ZFAND3: variants seen among roughly 807,000 people sequenced by gnomAD.
ZFAND3 encodes zinc finger AN1-type containing 3.
ZFAND3 carries 10 observed loss-of-function variants against 29.6 expected under a neutral mutation model. The ratio of observed to expected loss-of-function variants is 0.34; its 90% CI spans 0.21 to 0.57. The LOEUF (loss-of-function observed/expected upper bound fraction) is 0.57, where lower values mean the gene tolerates loss of function less well. Ranked by LOEUF, ZFAND3 falls within the 20% of genes least tolerant of loss-of-function variation. The pLI is 0.86. For synonymous variants in ZFAND3, 128 were observed against 112.6 expected (o/e 1.14, Z -0.87); for missense variants, 230 against 304.5 (o/e 0.76, Z 1.82).
intron 4 of ZFAND3, among the ~76,000 whole-genome samples, chr6:38,088,538 T>C (rs1038859164): frequency 2.6e-5 from 4 of 152,212 alleles, no homozygotes; most frequent in Non-Finnish European, 4.4e-5. Context: ...GTATTGCTTG[T>C]AACTCAAAGG....
intron 1 of ZFAND3, among the ~76,000 whole-genome samples, chr6:37,899,757 A>C (rs1299981281): frequency 6.6e-6 from 1 of 152,208 alleles, no homozygotes; most frequent in East Asian, 1.9e-4. Context: ...CACATGGTAA[A>C]AATTTAAACA....
intron 5 of ZFAND3, among the ~76,000 whole-genome samples, chr6:38,135,427 G>A (rs1765820145): frequency 6.6e-6 from 1 of 152,170 alleles, no homozygotes; most frequent in Admixed American, 6.5e-5. Flanking sequence ...CATAATTCAG[G>A]GTTAGACAGA....
At position 38,006,664 on chromosome 6, in the gene ZFAND3, T is replaced by G. The variant is rs896984235; in HGVS notation, c.113-54929T>G. On this transcript the variant is annotated intron_variant, in intron 2 of 5. Coordinates refer to ENST00000287218, the MANE Select transcript of ZFAND3 (RefSeq NM_021943.3). ...GGAGGTGAGGAAGAGGGTTTTTTTT[T>G]TTTTTTTTTTTTTAATTGATGGTTT... Among the ~76,000 whole-genome samples, 429 of 150,964 alleles carry G rather than the reference T, an allele frequency of 2.8e-3. 4 individuals carry two copies. The highest frequency in any genetic ancestry group is 9.8e-3 in the African/African-American group (406 of 41,252).
chr6:37,924,521 G>T (rs914189360), intron 1 of ZFAND3, among the ~76,000 whole-genome samples: 1 of 152,054 alleles, frequency 6.6e-6, no homozygotes, highest in East Asian at 1.9e-4. Context: ...AAGAAAACAG[G>T]AAGAGGAACT....
At chr6:38,063,341 C>G (rs1326469515) in intron 3 of ZFAND3, among the ~76,000 whole-genome samples, 1 of 152,026 alleles carries the variant, frequency 6.6e-6, no homozygotes, top group Non-Finnish European at 1.5e-5. Flanking sequence ...GGTTATCAAC[C>G]AAGAGTGATC....
chr6:38,041,229 T>C (rs2127455626), intron 2 of ZFAND3, among the ~76,000 whole-genome samples: 1 of 152,332 alleles, frequency 6.6e-6, no homozygotes, highest in East Asian at 1.9e-4. Context: ...AAGCATGTGA[T>C]TAAGGTAGTG....
In ZFAND3 at chr6:37,854,069, A is replaced by T. The variant is rs1764332415; in HGVS notation, c.71+34053A>T. On this transcript the variant is annotated intron_variant, in intron 1 of 5. Transcript: ENST00000287218. ...TGGGTTCAAGCGATTCTCCTGCCTC[A>T]GCCTCCCGAGTAGCTGGGATTATAG... is the stretch of plus-strand genomic sequence containing the variant. Among the ~76,000 whole-genome samples, 3 of 152,048 alleles carry T rather than the reference A, an allele frequency of 2.0e-5. No homozygotes were observed. In the South Asian group the frequency reaches 6.2e-4, roughly 32 times the overall value.
chr6:37,938,619 C>G (rs1761746908), intron 2 of ZFAND3, among the ~76,000 whole-genome samples: 1 of 152,170 alleles, frequency 6.6e-6, no homozygotes, highest in Admixed American at 6.5e-5. Context: ...GCAACAGTTC[C>G]TTAACGGATT....
At chr6:37,908,551 A>AG (rs1491020040) in intron 1 of ZFAND3, among the ~76,000 whole-genome samples, 18 of 114,250 alleles carry the variant, frequency 1.6e-4, no homozygotes, top group Non-Finnish European at 2.7e-4. Context: ...TTAAAAAAAA[A>AG]AAAAAAAAGA....
chr6:37,828,883 C>G (rs777079512), intron 1 of ZFAND3, among the ~76,000 whole-genome samples: 20 of 152,080 alleles, frequency 1.3e-4, no homozygotes, highest in Non-Finnish European at 2.4e-4. Context: ...ATCTCCTTAC[C>G]TCGTGATCCG....
At position 37,851,232 on chromosome 6, in the gene ZFAND3, C is replaced by T. The variant is rs758377110; in HGVS notation, c.71+31216C>T. On this transcript the variant is annotated intron_variant, in intron 1 of 5. Transcript: ENST00000287218. The stretch of plus-strand genomic sequence containing the variant: ...GAACTCCTGACCTCAGGTGATCCAC[C>T]TGCCTTGGCCTCCTTACGTGCTGGG... Among the ~76,000 whole-genome samples the T allele has an allele frequency of 2.3e-4, 35 of 151,626 alleles. 1 individual carries two copies. The highest frequency in any genetic ancestry group is 5.3e-4 in the African/African-American group (22 of 41,190).
At chr6:37,901,556 T>C (rs988370639) in intron 1 of ZFAND3, among the ~76,000 whole-genome samples, 36 of 152,042 alleles carry the variant, frequency 2.4e-4, no homozygotes, top group African/African-American at 8.2e-4. Flanking sequence ...AGATTGAGGC[T>C]GCAGTGAGCC....
intron 1 of ZFAND3, among the ~76,000 whole-genome samples, chr6:37,869,432 A>G (rs796746194): frequency 2.0e-4 from 31 of 152,210 alleles, no homozygotes; most frequent in African/African-American, 6.3e-4. Context: ...TGCTGGGATT[A>G]CAGGCGTCAG....
At chr6:38,062,809 T>C (rs148972481) in intron 3 of ZFAND3, 5 of 152,206 alleles carry the variant, frequency 3.3e-5, no homozygotes, top group African/African-American at 9.6e-5. Flanking sequence ...TATAGGGATA[T>C]TATGACATAG....
intron 2 of ZFAND3, among the ~76,000 whole-genome samples, chr6:37,977,769 A>G (rs1581807373): frequency 3.5e-5 from 4 of 114,286 alleles, no homozygotes; most frequent in Admixed American, 8.3e-5. Context: ...TGGTTTGCTG[A>G]GTTTTTTGTT....
chr6:37,959,467 A>G (rs902831200), intron 2 of ZFAND3, among the ~76,000 whole-genome samples: 1 of 152,214 alleles, frequency 6.6e-6, no homozygotes, highest in Admixed American at 6.5e-5. Context: ...TTTAGAGCCT[A>G]AAGTATTAAT....
intron 1 of ZFAND3, among the ~76,000 whole-genome samples, chr6:37,849,522 C>T (rs887120417): frequency 1.3e-5 from 2 of 152,154 alleles, no homozygotes; most frequent in Non-Finnish European, 2.9e-5. Flanking sequence ...GATTCTCCTG[C>T]GTCAGCCTCC....
chr6:37,930,495 G>C (rs1158242407), intron 2 of ZFAND3, among the ~76,000 whole-genome samples: 1 of 152,098 alleles, frequency 6.6e-6, no homozygotes, highest in Non-Finnish European at 1.5e-5. Flanking sequence ...AGGAGTTTGA[G>C]ACCAGCCTGG....
At chr6:38,027,652 A>G (rs1022923799) in intron 2 of ZFAND3, among the ~76,000 whole-genome samples, 3 of 152,214 alleles carry the variant, frequency 2.0e-5, no homozygotes, top group South Asian at 2.1e-4. Flanking sequence ...TTTTGAAGAA[A>G]AACTGTTCTT....
Sources: gnomAD v4.1 joint callset for allele counts (sites outside exome capture counted in the v4.1 genomes callset) on GRCh38, gnomAD v4.1.1 for gene constraint, MANE v1.5 for transcripts, NCBI Gene and HGNC (gene_info 2026-07-23, HGNC 2026-07-21) for gene names.